NRG3: variants seen among roughly 807,000 people sequenced by gnomAD.
NRG3 encodes neuregulin 3.
A neutral mutation model predicts 66.9 loss-of-function variants in NRG3; 31 were observed. The observed-to-expected ratio is 0.46, with a 90% CI of 0.35 to 0.63. The LOEUF is 0.63. Among genes scored for constraint, NRG3 ranks in the 20% least tolerant of loss-of-function variants. The pLI, the probability that NRG3 is intolerant of heterozygous loss-of-function variation, is 0.00. For missense variants in NRG3, 910 were observed against 878.9 expected (o/e 1.04, Z -0.45); for synonymous variants, 393 against 359.4 (o/e 1.09, Z -1.06).
intron 4 of NRG3, among the ~76,000 whole-genome samples, chr10:82,927,586 A>G (rs943659581): frequency 1.3e-5 from 2 of 152,096 alleles, no homozygotes; most frequent in Non-Finnish European, 2.9e-5. Flanking sequence ...GAGTGAGAGC[A>G]TGTGCTGTTT....
intron 1 of NRG3, among the ~76,000 whole-genome samples, chr10:81,911,943 T>A (rs1845210005): frequency 6.6e-6 from 1 of 152,112 alleles, no homozygotes; most frequent in Admixed American, 6.6e-5. Context: ...ATTATGCTTC[T>A]GAAACGTACT....
chr10:82,215,631 A>G lies in NRG3; in HGVS notation c.824-143108A>G, dbSNP rs143128176. On this transcript the variant is annotated intron_variant, in intron 1 of 8. Transcript: ENST00000372141. The stretch of plus-strand genomic sequence containing the variant: ...GAATAAATTATGCAATCGATGGGTG[A>G]AGCAGGCATTTGCTTTCCAGTATTA... Among the ~76,000 whole-genome samples the G allele has an allele frequency of 7.1e-3, 1,073 of 152,188 alleles. 26 individuals carry two copies. Among genetic ancestry groups the G allele is most frequent in the Admixed American group, 0.016 (239 of 15,248 alleles).
intron 1 of NRG3, among the ~76,000 whole-genome samples, chr10:81,984,180 A>G (rs2060437862): frequency 6.6e-6 from 1 of 152,102 alleles, no homozygotes; most frequent in Non-Finnish European, 1.5e-5. Context: ...CCATTTTTGA[A>G]CTTCTGACCT....
At chr10:82,657,713 T>C (rs1482182800) in intron 2 of NRG3, among the ~76,000 whole-genome samples, 1 of 152,114 alleles carries the variant, frequency 6.6e-6, no homozygotes, top group Non-Finnish European at 1.5e-5. Context: ...CTACATTCTA[T>C]AGGCATTGAA....
intron 1 of NRG3, among the ~76,000 whole-genome samples, chr10:81,972,787 T>C (rs985181542): frequency 6.6e-6 from 1 of 151,406 alleles, no homozygotes; most frequent in Non-Finnish European, 1.5e-5. Context: ...TTCAAGGAGC[T>C]CAATGAACCA....
chr10:82,020,367 TC>T (rs1192094045), intron 1 of NRG3, among the ~76,000 whole-genome samples: 1 of 152,068 alleles, frequency 6.6e-6, no homozygotes, highest in Non-Finnish European at 1.5e-5. Context: ...TCTACAAATG[TC>T]CCTTAAGCAA....
At chr10:82,666,478 C>A (rs965218914) in intron 2 of NRG3, among the ~76,000 whole-genome samples, 1 of 152,106 alleles carries the variant, frequency 6.6e-6, no homozygotes, top group African/African-American at 2.4e-5. Flanking sequence ...GTCTGAAATC[C>A]TCAGCCTTCC....
intron 3 of NRG3, among the ~76,000 whole-genome samples, chr10:82,803,439 G>T (rs1353889898): frequency 6.6e-6 from 1 of 152,166 alleles, no homozygotes; most frequent in Non-Finnish European, 1.5e-5. Flanking sequence ...TGCATCAACA[G>T]AAGTATGTGT....
chr10:82,434,707 T>C (rs1007638509), intron 2 of NRG3, among the ~76,000 whole-genome samples: 1 of 152,082 alleles, frequency 6.6e-6, no homozygotes, highest in Non-Finnish European at 1.5e-5. Context: ...GAAATAATCA[T>C]GGTTTTTGTC....
chr10:82,082,046 A>G (rs1033040172), intron 1 of NRG3, among the ~76,000 whole-genome samples: 1 of 152,230 alleles, frequency 6.6e-6, no homozygotes, highest in Non-Finnish European at 1.5e-5. Context: ...TTGGTTTCCA[A>G]GGTACAACTG....
intron 2 of NRG3, among the ~76,000 whole-genome samples, chr10:82,635,163 A>G (rs555594434): frequency 3.3e-5 from 5 of 152,320 alleles, no homozygotes; most frequent in East Asian, 1.9e-4. Context: ...AATACAGTGC[A>G]TCAAACCTAA....
chr10:82,496,278 G>T (rs1372937023), intron 2 of NRG3, among the ~76,000 whole-genome samples: 1 of 152,186 alleles, frequency 6.6e-6, no homozygotes, highest in Non-Finnish European at 1.5e-5. Context: ...ACCTCTCACT[G>T]CCAGTACAAG....
intron 1 of NRG3, among the ~76,000 whole-genome samples, chr10:82,341,370 C>T (rs537918704): frequency 3.9e-5 from 6 of 151,996 alleles, no homozygotes; most frequent in Admixed American, 6.6e-5. Context: ...TTTGACTTTT[C>T]CTTGCCTTTC....
intron 2 of NRG3, among the ~76,000 whole-genome samples, chr10:82,497,565 A>T (rs910370297): frequency 6.6e-6 from 1 of 152,058 alleles, no homozygotes; most frequent in Non-Finnish European, 1.5e-5. Flanking sequence ...TTAAAAGCTG[A>T]ATAGTACTTT....
chr10:81,921,115 C>G (rs1224301381), intron 1 of NRG3, among the ~76,000 whole-genome samples: 1 of 151,832 alleles, frequency 6.6e-6, no homozygotes, highest in Non-Finnish European at 1.5e-5. Flanking sequence ...GAGAGTGCCC[C>G]TTCTTGGATT....
rs1031194237 is a variant in NRG3, at chr10:82,876,736, A to G, written c.1054+11299A>G. Among the ~76,000 whole-genome samples, 34 of 152,310 alleles carry G rather than the reference A, an allele frequency of 2.2e-4. No individual in the cohort carries two copies. In the Middle Eastern group the frequency reaches 0.01, roughly 46 times the overall value. On this transcript the variant is annotated intron_variant, in intron 4 of 8. Coordinates refer to ENST00000372141, the MANE Select transcript of NRG3 (RefSeq NM_001010848.4). ...AGATTGTACTTAGAAAGTAATTCTCAGAGAGAGCCAGGCATGGTGGCTCAC... is the reference window on the plus strand; with the variant it reads ...AGATTGTACTTAGAAAGTAATTCTCGGAGAGAGCCAGGCATGGTGGCTCAC...
chr10:82,397,497 A>G lies in NRG3; in HGVS notation c.953+38629A>G, dbSNP rs1372382188. Reference sequence around the variant, plus strand: ...ATAGTGAGCCAATTAGGAAGAAATGATCTGAATATGTATCATTGTGACAAT... The same window carrying G: ...ATAGTGAGCCAATTAGGAAGAAATGGTCTGAATATGTATCATTGTGACAAT... On this transcript the variant is annotated intron_variant, in intron 2 of 8. Coordinates refer to ENST00000372141, the MANE Select transcript of NRG3 (RefSeq NM_001010848.4). Among the ~76,000 whole-genome samples, 4 of 152,196 alleles carry G rather than the reference A, an allele frequency of 2.6e-5. No individual in the cohort carries two copies. In the East Asian group the frequency reaches 7.7e-4, roughly 29 times the overall value.
At chr10:82,826,533 G>A (rs997621387) in intron 3 of NRG3, among the ~76,000 whole-genome samples, 3 of 152,204 alleles carry the variant, frequency 2.0e-5, no homozygotes, top group Non-Finnish European at 2.9e-5. Flanking sequence ...GTGGTGGGCT[G>A]GATGAAGAAA....
At chr10:82,276,578 A>T (rs2078858080) in intron 1 of NRG3, among the ~76,000 whole-genome samples, 1 of 152,064 alleles carries the variant, frequency 6.6e-6, no homozygotes, top group East Asian at 1.9e-4. Context: ...AATGCAACCA[A>T]TGTTTTAAAT....
Sources: allele counts gnomAD v4.1 joint callset (sites outside exome capture counted in the v4.1 genomes callset), GRCh38; gene constraint gnomAD v4.1.1; transcripts MANE v1.5; gene names NCBI Gene and HGNC (gene_info 2026-07-23, HGNC 2026-07-21).